Variants in ABCB1 observed in about 807,000 individuals in gnomAD.
ABCB1 encodes the protein ATP-dependent translocase ABCB1.
In ABCB1, 69 loss-of-function variants were observed where a neutral mutation model predicts 142.0. That is an observed-to-expected ratio of 0.49 (90% CI 0.40 to 0.59). The LOEUF (loss-of-function observed/expected upper bound fraction) is 0.59, where lower values mean the gene tolerates loss of function less well. ABCB1 is among the 20% of genes least tolerant of loss of function. The pLI, the probability that ABCB1 is intolerant of heterozygous loss-of-function variation, is 0.00. For synonymous variants in ABCB1, 532 were observed against 539.2 expected, an observed-to-expected ratio of 0.99 and a Z score of 0.18; for missense variants, 1,326 against 1,554.7, an observed-to-expected ratio of 0.85 and a Z score of 2.47.
chr7:87,631,886 C>T (rs1483270341), intron 1 of ABCB1, among the ~76,000 whole-genome samples: 1 of 152,002 alleles, frequency 6.6e-6, no homozygotes, highest in African/African-American at 2.4e-5. Context: ...CATTGTTAAC[C>T]TTCAATTATA....
chr7:87,685,499 T>C (rs1404627376), intron 1 of ABCB1, among the ~76,000 whole-genome samples: 1 of 149,508 alleles, frequency 6.7e-6, no homozygotes, highest in East Asian at 2.0e-4. Context: ...ACAAACTCAG[T>C]AATAAAAAGG....
intron 9 of ABCB1, among the ~76,000 whole-genome samples, chr7:87,551,055 T>G (rs1817044864): frequency 6.6e-6 from 1 of 152,206 alleles, no homozygotes; most frequent in Admixed American, 6.5e-5. Context: ...AGGTTCTCAT[T>G]CTGTCACCCA....
chr7:87,566,285 A>C (rs766843721), intron 6 of ABCB1, 44 bp from the exon 7 acceptor site: 12 of 1,593,022 alleles, frequency 7.5e-6, no homozygotes, highest in Non-Finnish European at 1.0e-5. Context: ...AGAATTGTAA[A>C]CATCAACTTT....
chr7:87,626,778 G>GTC (rs1584936027), intron 1 of ABCB1, among the ~76,000 whole-genome samples: 2 of 139,200 alleles, frequency 1.4e-5, no homozygotes, highest in African/African-American at 5.8e-5. Context: ...ATATGTCAGA[G>GTC]AGAGAGAGAG....
chr7:87,599,720 A>G (rs1819366078), intron 2 of ABCB1, among the ~76,000 whole-genome samples: 1 of 152,214 alleles, frequency 6.6e-6, no homozygotes, highest in Non-Finnish European at 1.5e-5. Flanking sequence ...AGTTAGCAAT[A>G]TATTGTATAT....
rs192303495 is a variant in ABCB1, at chr7:87,595,959, G to A, written c.69-145C>T. The A allele has an allele frequency of 5.9e-5, 39 of 657,696 alleles. No individual in the cohort carries two copies. The Admixed American group carries it at 8.6e-4, about 14-fold the overall frequency. The allele number at this position is 657,696 out of a possible 1,614,324, so 40.7% of individuals were successfully genotyped here. A position where few individuals can be genotyped will look rare whatever the true frequency, so the allele number is the denominator to read the frequency against. On this transcript the variant is annotated intron_variant, in intron 2 of 27. Transcript: ENST00000622132. ...ACAGTTAAAAAACAGGATGATAATA[G>A]TATGACCCCATTTATAATGTTTAAA... is the stretch of plus-strand genomic sequence containing the variant.
chr7:87,626,023 T>TATAGAG (rs1378522030), intron 1 of ABCB1, among the ~76,000 whole-genome samples: 1 of 114,538 alleles, frequency 8.7e-6, no homozygotes, highest in Non-Finnish European at 1.8e-5. Context: ...TATATATATA[T>TATAGAG]AGAGAGAGAG....
chr7:87,627,428 A>T (rs1222349396), intron 1 of ABCB1: 1 of 152,216 alleles, frequency 6.6e-6, no homozygotes. Context: ...CTTCAAATTA[A>T]ATTCGAGAAA....
At chr7:87,626,752 CATATATATGTCA>C (rs1820668438) in intron 1 of ABCB1, among the ~76,000 whole-genome samples, 2 of 48,896 alleles carry the variant, frequency 4.1e-5, no homozygotes, top group Admixed American at 4.4e-4. Context: ...ATATATATGT[CATATATATGTCA>C]TATATATGTC....
intron 21 of ABCB1, 64 bp from the exon 22 acceptor site, chr7:87,520,940 C>A: frequency 8.4e-7 from 1 of 1,195,172 alleles, no homozygotes; most frequent in East Asian, 2.4e-5. Flanking sequence ...AATTTGAATT[C>A]TATAAAACAG....
At chr7:87,562,970 A>C (rs1048961140) in intron 7 of ABCB1, among the ~76,000 whole-genome samples, 1 of 152,146 alleles carries the variant, frequency 6.6e-6, no homozygotes, top group Non-Finnish European at 1.5e-5. Flanking sequence ...ATGGTAGTAC[A>C]CAACACAGTC....
intron 1 of ABCB1, among the ~76,000 whole-genome samples, chr7:87,631,366 T>C (rs1167176207): frequency 6.6e-6 from 1 of 152,156 alleles, no homozygotes; most frequent in Non-Finnish European, 1.5e-5. Context: ...TTCACTCATG[T>C]CTCTTATGAA....
Position 87,507,795 on chromosome 7 carries a change from T to C in ABCB1, c.3489+1480A>G, listed in dbSNP as rs184249891. ...TAATGGGTGAGGTAGATTACCTAGG[T>C]TGAGAAGCACTTCAAAATATAGGAC... On this transcript the variant is annotated intron_variant, in intron 26 of 27. Coordinates refer to ENST00000622132, the MANE Select transcript of ABCB1 (RefSeq NM_001348946.2). Among the ~76,000 whole-genome samples the C allele has an allele frequency of 2.6e-4, 39 of 152,200 alleles. No individual in the cohort carries two copies. The East Asian group carries it at 3.5e-3, about 14-fold the overall frequency.
intron 1 of ABCB1, among the ~76,000 whole-genome samples, chr7:87,649,266 G>A (rs376062124): frequency 1.3e-5 from 2 of 152,114 alleles, no homozygotes; most frequent in African/African-American, 2.4e-5. Flanking sequence ...ATGATAGGAC[G>A]TTTAAACATT....
chr7:87,595,590 A>G (rs1241467901), intron 3 of ABCB1, among the ~76,000 whole-genome samples, 176 bp downstream of exon 3: 2 of 152,108 alleles, frequency 1.3e-5, no homozygotes, highest in African/African-American at 4.8e-5. Flanking sequence ...AGTAATATAG[A>G]TAGCAAGTTA....
intron 1 of ABCB1, chr7:87,710,640 A>C: frequency 1.3e-6 from 2 of 1,586,810 alleles, no homozygotes; most frequent in Non-Finnish European, 1.7e-6. Context: ...GCTCTGAGAG[A>C]CTTCAAAACA....
At chr7:87,571,385 A>T (rs1818047990) in intron 4 of ABCB1, among the ~76,000 whole-genome samples, 1 of 152,196 alleles carries the variant, frequency 6.6e-6, no homozygotes, top group Non-Finnish European at 1.5e-5. Context: ...TATAATTAGA[A>T]GTATGTTCTA....
chr7:87,689,478 T>G (rs1395674712), intron 1 of ABCB1, among the ~76,000 whole-genome samples: 1 of 152,144 alleles, frequency 6.6e-6, no homozygotes, highest in African/African-American at 2.4e-5. Flanking sequence ...AATTCAACAA[T>G]TTTGCTTTAT....
At chr7:87,588,300 GT>G (rs1337848443) in intron 3 of ABCB1, among the ~76,000 whole-genome samples, 2 of 151,944 alleles carry the variant, frequency 1.3e-5, no homozygotes, top group African/African-American at 4.8e-5. Context: ...CCTAGTACTC[GT>G]TAGTTATTTT....
Sources: allele counts gnomAD v4.1 joint callset (sites outside exome capture counted in the v4.1 genomes callset), GRCh38; gene constraint gnomAD v4.1.1; transcripts MANE v1.5; gene names NCBI Gene and HGNC (gene_info 2026-07-23, HGNC 2026-07-21).